The following YWHAZ variants were observed in gnomAD, a reference collection of about 807,000 sequenced individuals.
YWHAZ encodes 14-3-3 protein zeta/delta.
For missense variants in YWHAZ, 79 were observed against 284.8 expected (o/e 0.28, Z 5.20); for synonymous variants, 87 against 103.6 (o/e 0.84, Z 0.97).
rs147064971 is a variant in YWHAZ, at chr8:100,929,448, C to G, written c.295-4409G>C. ...CTTCTGACTTCAGGTGATCCACCTG[C>G]CTCAGCCTCCCAAAGTGCTGGGAAT... On this transcript the variant is annotated intron_variant, in intron 2 of 5. Coordinates refer to ENST00000395958, the MANE Select transcript of YWHAZ (RefSeq NM_145690.3). Among the ~76,000 whole-genome samples, 735 of 152,342 alleles carry G rather than the reference C, an allele frequency of 4.8e-3. 5 individuals are homozygous for G. The highest frequency in any genetic ancestry group is 0.016 in the African/African-American group (685 of 41,568).
At chr8:100,928,710 G>A (rs1298026032) in intron 2 of YWHAZ, among the ~76,000 whole-genome samples, 1 of 151,768 alleles carries the variant, frequency 6.6e-6, no homozygotes, top group African/African-American at 2.4e-5. Flanking sequence ...TCCAGCCTGG[G>A]CAACAAGAGT....
intron 2 of YWHAZ, among the ~76,000 whole-genome samples, chr8:100,925,804 G>T (rs1391386595): frequency 6.6e-6 from 1 of 152,100 alleles, no homozygotes; most frequent in Non-Finnish European, 1.5e-5. Flanking sequence ...CTCTTTAACT[G>T]ATTTTAAAGC....
At chr8:100,943,567 C>A (rs1411588090) in intron 2 of YWHAZ, among the ~76,000 whole-genome samples, 1 of 152,186 alleles carries the variant, frequency 6.6e-6, no homozygotes, top group Non-Finnish European at 1.5e-5. Flanking sequence ...GGCCTCTACA[C>A]CTTTCCATTC....
intron 2 of YWHAZ, among the ~76,000 whole-genome samples, chr8:100,935,250 A>C (rs1814063131): frequency 6.6e-6 from 1 of 152,252 alleles, no homozygotes; most frequent in South Asian, 2.1e-4. Flanking sequence ...ACACATTTTA[A>C]GCACTCAAAA....
At position 100,948,164 on chromosome 8, in the gene YWHAZ, G is replaced by C. The variant is rs774915581; in HGVS notation, c.294+432C>G. The C allele has an allele frequency of 4.6e-6, 7 of 1,529,910 alleles. No homozygotes were observed. The highest frequency in any genetic ancestry group is 5.2e-6 in the Non-Finnish European group (6 of 1,144,440). 94.8% of individuals were successfully genotyped at this position (1,529,910 alleles called of 1,614,324 possible). On this transcript the variant is annotated intron_variant, in intron 2 of 5. Transcript: ENST00000395958. This position sits in a 1 kb window ranked among gnomAD's most constrained non-coding sequence, Gnocchi z 4.2. ...GACTCATTACATTAACATTATAGCG[G>C]CTAATCCTGAGAAGAGTACTATTTC...
At chr8:100,950,721 C>G (rs1810679871) in intron 1 of YWHAZ, 1 of 509,776 alleles carries the variant, frequency 2.0e-6, no homozygotes, top group African/African-American at 2.1e-5. Flanking sequence ...CACAGCAGCC[C>G]GCAGAAGCGG....
intron 1 of YWHAZ, among the ~76,000 whole-genome samples, chr8:100,949,840 C>T (rs1810578201): frequency 6.6e-6 from 1 of 152,200 alleles, no homozygotes; most frequent in Non-Finnish European, 1.5e-5. Flanking sequence ...TGGACCTTTT[C>T]GATTTACCTC....
chr8:100,946,295 T>C (rs55748302), intron 2 of YWHAZ, among the ~76,000 whole-genome samples: 6,971 of 152,272 alleles, frequency 0.046, 175 homozygotes, highest in Non-Finnish European at 0.058. Flanking sequence ...TCCCAGCACT[T>C]TGGGAGGCCA....
chr8:100,929,110 A>C (rs953812597), intron 2 of YWHAZ, among the ~76,000 whole-genome samples: 1 of 152,192 alleles, frequency 6.6e-6, no homozygotes, highest in African/African-American at 2.4e-5. Flanking sequence ...ATAGTTGTAA[A>C]TATTTTGGGG....
Position 100,939,347 on chromosome 8 carries a change from TA to T in YWHAZ, c.294+9248del, listed in dbSNP as rs143359709. ...ATCATGAATGCTAGCAAAATAATCC[TA>T]GAAGGAATCAGTGTTTTAAGAACAT... On this transcript the variant is annotated intron_variant, in intron 2 of 5. Coordinates refer to ENST00000395958, the MANE Select transcript of YWHAZ (RefSeq NM_145690.3). Among the ~76,000 whole-genome samples the T allele has an allele frequency of 5.2e-3, 785 of 152,232 alleles. 9 individuals are homozygous for T. Among genetic ancestry groups the T allele is most frequent in the African/African-American group, 0.017 (715 of 41,542 alleles).
chr8:100,950,614 C>T (rs1425102270), intron 1 of YWHAZ: 1 of 985,464 alleles, frequency 1.0e-6, no homozygotes, highest in Non-Finnish European at 1.2e-6. Flanking sequence ...CTCCCCCCGA[C>T]CGGAGCCAGA....
chr8:100,936,660 G>A (rs1255247513), intron 2 of YWHAZ, among the ~76,000 whole-genome samples: 1 of 152,134 alleles, frequency 6.6e-6, no homozygotes, highest in Non-Finnish European at 1.5e-5. Flanking sequence ...AATTAGCCAG[G>A]CATGGTGGCG....
chr8:100,953,218 C>T, upstream of YWHAZ: 1 of 985,284 alleles, frequency 1.0e-6, no homozygotes, highest in Non-Finnish European at 1.2e-6. Flanking sequence ...GTTTTCCTAC[C>T]CAAATAAAGC....
intron 2 of YWHAZ, among the ~76,000 whole-genome samples, chr8:100,933,909 C>A (rs1389220646): frequency 1.3e-5 from 2 of 151,926 alleles, no homozygotes; most frequent in East Asian, 3.9e-4. Flanking sequence ...GTAATCCCAG[C>A]ACTTTGGGAG....
intron 2 of YWHAZ, among the ~76,000 whole-genome samples, chr8:100,932,285 C>T (rs1813814822): frequency 6.6e-6 from 1 of 152,208 alleles, no homozygotes; most frequent in Non-Finnish European, 1.5e-5. Flanking sequence ...ACTGCAGTAA[C>T]TGATCTTAAC....
chr8:100,943,739 C>A (rs530971449), intron 2 of YWHAZ, among the ~76,000 whole-genome samples: 2 of 152,216 alleles, frequency 1.3e-5, no homozygotes, highest in South Asian at 2.1e-4. Context: ...GTAATCCCAG[C>A]ACTTTGGGAG....
At chr8:100,929,201 A>G (rs1397657023) in intron 2 of YWHAZ, among the ~76,000 whole-genome samples, 1 of 138,416 alleles carries the variant, frequency 7.2e-6, no homozygotes, top group Non-Finnish European at 1.6e-5. Context: ...TCAAACATTG[A>G]TTTTTTTTTT....
intron 2 of YWHAZ, among the ~76,000 whole-genome samples, chr8:100,939,249 G>A (rs1814434603): frequency 1.3e-5 from 2 of 152,040 alleles, no homozygotes; most frequent in South Asian, 4.1e-4. Context: ...AATCAACTGG[G>A]TGAAAGGGCT....
rs115343852 is a variant in YWHAZ, at chr8:100,927,787, A to G, written c.295-2748T>C. On this transcript the variant is annotated intron_variant, in intron 2 of 5. Coordinates refer to ENST00000395958, the MANE Select transcript of YWHAZ (RefSeq NM_145690.3). ...ATGCTGAACTAAGCAGTTCCCTGGG[A>G]ATTAAAATGGCAGTTAAGCACTTCT... 5.2e-3 allele frequency among the ~76,000 whole-genome samples: 787 copies of G among 152,344 alleles called. 9 individuals are homozygous for G. The highest frequency in any genetic ancestry group is 0.017 in the African/African-American group (717 of 41,570).
Sources: allele counts gnomAD v4.1 joint callset (sites outside exome capture counted in the v4.1 genomes callset), GRCh38; gene constraint gnomAD v4.1.1; non-coding constraint Gnocchi (gnomAD v3.1); transcripts MANE v1.5; gene names NCBI Gene and HGNC (gene_info 2026-07-23, HGNC 2026-07-21).